The following LYST variants were observed in gnomAD, a reference collection of about 807,000 sequenced individuals.
LYST encodes the protein lysosomal-trafficking regulator.
A neutral mutation model predicts 413.6 loss-of-function variants in LYST; 192 were observed. The observed-to-expected ratio is 0.46, with a 90% confidence interval of 0.41 to 0.52. LYST has a LOEUF of 0.52. Ranked by LOEUF, LYST falls within the 20% of genes least tolerant of loss-of-function variation. The probability of loss-of-function intolerance (pLI) is 0.00; values close to 1 mark genes in which losing one functional copy is unlikely to be tolerated. For missense variants in LYST, 3,815 were observed against 4,499.9 expected (o/e 0.85, Z 4.35); for synonymous variants, 1,525 against 1,567.3 (o/e 0.97, Z 0.64).
chr1:235,802,207 A>AC (rs1412922704), intron 8 of LYST, among the ~76,000 whole-genome samples: 2 of 150,618 alleles, frequency 1.3e-5, no homozygotes, highest in African/African-American at 4.9e-5. Context: ...AAAAAAAAAA[A>AC]AAAAAAAAAA....
At chr1:235,811,263 G>C (rs1017078723) in intron 4 of LYST, among the ~76,000 whole-genome samples, 1 of 152,158 alleles carries the variant, frequency 6.6e-6, no homozygotes, top group Non-Finnish European at 1.5e-5. Flanking sequence ...ATTTAGTGCT[G>C]TTGTTCACAC....
chr1:235,693,295 G>A (rs936726194), intron 47 of LYST, 55 bp downstream of exon 47: 74 of 1,335,566 alleles, frequency 5.5e-5, no homozygotes, highest in Non-Finnish European at 7.2e-5. Flanking sequence ...AGCTTGGGCG[G>A]CAGAGTGAGA....
intron 30 of LYST, among the ~76,000 whole-genome samples, chr1:235,742,724 G>T (rs1294806854): frequency 6.6e-6 from 1 of 151,804 alleles, no homozygotes; most frequent in Non-Finnish European, 1.5e-5. Flanking sequence ...CACTGATTTT[G>T]CAATAAAAAA....
intron 1 of LYST, among the ~76,000 whole-genome samples, chr1:235,848,632 A>C (rs1333932322): frequency 6.6e-6 from 1 of 152,196 alleles, no homozygotes; most frequent in Non-Finnish European, 1.5e-5. Flanking sequence ...ATCATTAGCA[A>C]GATTAACCAA....
At chr1:235,753,022 T>C (rs1308039326) in intron 26 of LYST, 22 bp downstream of exon 26, 1 of 1,252,694 alleles carries the variant, frequency 8.0e-7, no homozygotes, top group African/African-American at 1.5e-5. Flanking sequence ...GATGTAATTT[T>C]AAATAATAAT....
At chr1:235,680,445 GGA>G (rs1390687014) in intron 48 of LYST, among the ~76,000 whole-genome samples, 3 of 150,406 alleles carry the variant, frequency 2.0e-5, no homozygotes, top group Admixed American at 1.3e-4. Flanking sequence ...TTTTTTTTGT[GGA>G]GATAGGGTCT....
chr1:235,683,350 T>C (rs1489066412), intron 48 of LYST, among the ~76,000 whole-genome samples: 5 of 152,222 alleles, frequency 3.3e-5, no homozygotes, highest in Non-Finnish European at 5.9e-5. Flanking sequence ...ATAACAGATA[T>C]ATAGGTGTTC....
At chr1:235,879,102 C>T (rs1681261613) in intron 1 of LYST, among the ~76,000 whole-genome samples, 1 of 152,108 alleles carries the variant, frequency 6.6e-6, no homozygotes, top group Admixed American at 6.6e-5. Context: ...AACCCCTGGG[C>T]TCAAGCAATC....
chr1:235,731,234 A>T (rs1664352010), intron 34 of LYST, 57 bp from the exon 35 acceptor site: 5 of 1,473,796 alleles, frequency 3.4e-6, no homozygotes, highest in Non-Finnish European at 4.8e-6. Flanking sequence ...TTGTAGCTAT[A>T]AAAAAAATCA....
At position 235,710,754 on chromosome 1, in the gene LYST, C is replaced by T. The variant is rs147531245; in HGVS notation, c.9925+1303G>A. ...GAAGAATACAGTGGAAGTGATGCTG[C>T]GTGGCTGCTAAGAACAGGCTGGAAA... On this transcript the variant is annotated intron_variant, in intron 43 of 52. Coordinates refer to ENST00000389793, the MANE Select transcript of LYST (RefSeq NM_000081.4). Among the ~76,000 whole-genome samples, 401 of 152,272 alleles carry T rather than the reference C, an allele frequency of 2.6e-3. 6 individuals carry two copies. The East Asian group carries it at 0.028, about 11-fold the overall frequency.
At position 235,716,660 on chromosome 1, in the gene LYST, A is replaced by G. The variant is rs1572058590; in HGVS notation, c.9627+52T>C. ...AAATTAGGTAAAACACAAGTCTGTA[A>G]AACAAAACACAATTTTTCATTTAAT... On this transcript the variant is annotated intron_variant, in intron 41 of 52. Transcript: ENST00000389793. 4.1e-6 allele frequency: 5 copies of G among 1,224,598 alleles called. No individual in the cohort carries two copies. In the East Asian group the frequency reaches 9.3e-5, roughly 23 times the overall value. 75.9% of individuals were successfully genotyped at this position (1,224,598 alleles called of 1,614,324 possible).
intron 6 of LYST, among the ~76,000 whole-genome samples, chr1:235,805,423 G>A (rs991213835): frequency 7.9e-5 from 12 of 152,026 alleles, no homozygotes; most frequent in South Asian, 2.1e-4. Context: ...GATGGTGAAT[G>A]GGTGATCAGT....
At chr1:235,677,334 TAATAGGTAA>T in intron 49 of LYST, 137 bp downstream of exon 49, 2 of 1,078,770 alleles carry the variant, frequency 1.9e-6, no homozygotes, top group East Asian at 5.1e-5. Flanking sequence ...CAATAAAATA[TAATAGGTAA>T]TCTTACTACC....
chr1:235,801,871 G>A (rs1317380981), intron 8 of LYST, among the ~76,000 whole-genome samples: 1 of 152,170 alleles, frequency 6.6e-6, no homozygotes, highest in Non-Finnish European at 1.5e-5. Flanking sequence ...AAAACTGACT[G>A]TGAGGAAGAT....
chr1:235,759,859 C>T (rs1174483016), intron 22 of LYST, among the ~76,000 whole-genome samples: 1 of 152,024 alleles, frequency 6.6e-6, no homozygotes, highest in Non-Finnish European at 1.5e-5. Flanking sequence ...TCAAGACAGC[C>T]TCCCACCTCA....
At position 235,809,092 on chromosome 1, in the gene LYST, C is replaced by A. The variant is rs760385237; in HGVS notation, c.1726G>T (p.Gly576Cys). ...CAGCATATTCCAATGTTATGAACAC[C>A]CGATAGGATCTGGACACAAGTGCTG... is the stretch of plus-strand genomic sequence containing the variant. ...LSSTCVQILS[G>C]VHNIGICCCM... is the part of the protein sequence containing the mutation. The change falls in exon 5 of 53, where the codon GGT (glycine) becomes TGT (cysteine). Residue 576 changes from glycine (G) to cysteine (C), a missense_variant. Transcript: ENST00000389793. The surrounding 1 kb of genome is among the most constrained non-coding windows in gnomAD (Gnocchi z 4.0). 2 of 1,614,074 alleles carry A rather than the reference C, an allele frequency of 1.2e-6. No individual in the cohort carries two copies. Among genetic ancestry groups the A allele is most frequent in the East Asian group, 4.5e-5 (2 of 44,866 alleles).
intron 4 of LYST, 108 bp downstream of exon 4, chr1:235,812,863 A>G: frequency 2.7e-6 from 2 of 741,928 alleles, no homozygotes; most frequent in Admixed American, 4.1e-5. Context: ...ATAAATCACA[A>G]TAACATATAG....
At position 235,693,486 on chromosome 1, in the gene LYST, C is replaced by T. The variant is rs143673470; in HGVS notation, c.10565G>A (p.Gly3522Asp). 2 of 1,614,026 alleles carry T rather than the reference C, an allele frequency of 1.2e-6. No homozygotes were observed. Among genetic ancestry groups the T allele is most frequent in the East Asian group, 2.2e-5 (1 of 44,874 alleles). Residue 3522 changes from glycine (G) to aspartate (D), a missense_variant and splice_region_variant, in exon 47 of 53, where the codon GGT (glycine) becomes GAT (aspartate). Around this residue, in one of 4 missense-constraint regions of LYST, gnomAD observed 866 missense variants for 1,156.0 expected, o/e 0.75. Coordinates refer to ENST00000389793, the MANE Select transcript of LYST (RefSeq NM_000081.4). Reference sequence around the variant, plus strand: ...GTCCGTACTGTTCATGCTTCTCACACCTCAAGGAGAAGGAGAAAGAAAAGT... The same window carrying T: ...GTCCGTACTGTTCATGCTTCTCACATCTCAAGGAGAAGGAGAAAGAAAAGT... The part of the protein sequence containing the change: ...CLLMTYSKEQ[G>D]VRSMNSTDIQ...
chr1:235,803,416 T>C (rs2102843093), intron 7 of LYST, among the ~76,000 whole-genome samples: 1 of 152,240 alleles, frequency 6.6e-6, no homozygotes, highest in Non-Finnish European at 1.5e-5. Context: ...ATATATATTA[T>C]TTGTGCACAT....
Sources: allele counts gnomAD v4.1 joint callset (sites outside exome capture counted in the v4.1 genomes callset), GRCh38; gene constraint gnomAD v4.1.1; regional missense constraint gnomAD v4.1.1; non-coding constraint Gnocchi (gnomAD v3.1); transcripts MANE v1.5; gene names NCBI Gene and HGNC (gene_info 2026-07-23, HGNC 2026-07-21).